The following INPP4A variants were observed in gnomAD, a reference collection of about 807,000 sequenced individuals.
The protein encoded by INPP4A is inositol polyphosphate-4-phosphatase, type I, 107kD.
In INPP4A, 33 loss-of-function variants were observed where a neutral mutation model predicts 119.8. That is an observed-to-expected ratio of 0.28 (90% confidence interval 0.21 to 0.37). The LOEUF (loss-of-function observed/expected upper bound fraction) is 0.37. Among genes scored for constraint, INPP4A ranks in the 10% least tolerant of loss-of-function variants. The probability of loss-of-function intolerance (pLI) is 1.00; values close to 1 mark genes in which losing one functional copy is unlikely to be tolerated. For synonymous variants in INPP4A, 496 were observed against 500.7 expected, an observed-to-expected ratio of 0.99 and a Z score of 0.12; for missense variants, 956 against 1,289.9, an observed-to-expected ratio of 0.74 and a Z score of 3.97.
rs1307359886 is a variant in INPP4A at position 98,592,374 on chromosome 2, A to C, written c.*4766A>C. 6.6e-6 allele frequency: 1 copy of C among 152,240 alleles called. No homozygotes were observed. The highest frequency in any genetic ancestry group is 1.5e-5 in the Non-Finnish European group (1 of 68,096). 9.4% of individuals were successfully genotyped at this position (152,240 alleles called of 1,614,324 possible). A position where few individuals can be genotyped will look rare whatever the true frequency, so the allele number is the denominator to read the frequency against. ...AGATTGGAGAGGAGTGGGCAGCAGGAAACAGCTCAGGCTGCCTGACCTGGC... is the reference window on the plus strand; with the variant it reads ...AGATTGGAGAGGAGTGGGCAGCAGGCAACAGCTCAGGCTGCCTGACCTGGC... On this transcript the variant is annotated 3_prime_UTR_variant, in exon 25 of 25. Transcript: ENST00000409851.
At chr2:98,520,656 A>G (rs1446243476) in intron 3 of INPP4A, 31 bp from the exon 4 acceptor site, 3 of 1,396,096 alleles carry the variant, frequency 2.1e-6, no homozygotes, top group East Asian at 2.5e-5. Context: ...TTTATTAAGG[A>G]TGATTTTTCT....
At chr2:98,523,455 C>T (rs1450359738) in intron 4 of INPP4A, among the ~76,000 whole-genome samples, 1 of 150,352 alleles carries the variant, frequency 6.7e-6, no homozygotes, top group Non-Finnish European at 1.5e-5. Context: ...AGTGCAGTGG[C>T]ACAATCTCGG....
chr2:98,589,631 A>C lies in INPP4A; in HGVS notation c.*2023A>C. 1 of 179,148 alleles carries C rather than the reference A, an allele frequency of 5.6e-6. No individual in the cohort carries two copies. The highest frequency in any genetic ancestry group is 1.2e-5 in the Non-Finnish European group (1 of 83,486). 11.1% of individuals were successfully genotyped at this position (179,148 alleles called of 1,614,324 possible). On this transcript the variant is annotated 3_prime_UTR_variant, in exon 25 of 25. Coordinates refer to ENST00000409851, the MANE Select transcript of INPP4A (RefSeq NM_001134225.2). Reference sequence around the variant, plus strand: ...TTGGCAAATGCTATAGAAAAGGTTCAGGTTTCAGTATTCTCTCTGAAGGCA... The same window carrying C: ...TTGGCAAATGCTATAGAAAAGGTTCCGGTTTCAGTATTCTCTCTGAAGGCA...
chr2:98,506,288 C>T (rs557673410), intron 1 of INPP4A, among the ~76,000 whole-genome samples: 1 of 152,342 alleles, frequency 6.6e-6, no homozygotes, highest in Non-Finnish European at 1.5e-5. Flanking sequence ...TTCTGCATAT[C>T]GGAAAGAGCA....
rs1209064383 is a variant in INPP4A, at chr2:98,587,709, T to A, written c.*101T>A. 10 of 1,024,762 alleles carry A rather than the reference T, an allele frequency of 9.8e-6. No homozygotes were observed. Among genetic ancestry groups the A allele is most frequent in the Non-Finnish European group, 1.3e-5 (9 of 717,186 alleles). 63.5% of individuals were successfully genotyped at this position (1,024,762 alleles called of 1,614,324 possible). A position where few individuals can be genotyped will look rare whatever the true frequency, so the allele number is the denominator to read the frequency against. On this transcript the variant is annotated 3_prime_UTR_variant, in exon 25 of 25. Transcript: ENST00000409851. ...AAGACCTGAAGGATTGGTTTTTATT[T>A]TTTGTGGTTTTTTTAAAAAAAACAT...
Position 98,559,796 on chromosome 2 carries a change from C to T in INPP4A, c.1855+301C>T, listed in dbSNP as rs79023556. Among the ~76,000 whole-genome samples the T allele has an allele frequency of 6.7e-4, 102 of 152,322 alleles. 2 individuals carry two copies. The East Asian group carries it at 0.01, about 16-fold the overall frequency. Reference sequence around the variant, plus strand: ...GGTTGACCTGAGGTAGGGAGGTACACATCTGGACTTCCTGGGTGCAGTTTT... The same window carrying T: ...GGTTGACCTGAGGTAGGGAGGTACATATCTGGACTTCCTGGGTGCAGTTTT... On this transcript the variant is annotated intron_variant, in intron 17 of 24. Coordinates refer to ENST00000409851, the MANE Select transcript of INPP4A (RefSeq NM_001134225.2).
At chr2:98,500,240 C>T (rs1324527109) in intron 1 of INPP4A, among the ~76,000 whole-genome samples, 1 of 152,092 alleles carries the variant, frequency 6.6e-6, no homozygotes, top group Non-Finnish European at 1.5e-5. Flanking sequence ...ATATTATCCC[C>T]ACTTTATGAC....
chr2:98,483,889 T>A (rs1679007838), intron 1 of INPP4A, among the ~76,000 whole-genome samples: 1 of 152,204 alleles, frequency 6.6e-6, no homozygotes, highest in Non-Finnish European at 1.5e-5. Context: ...CTCTCCACCC[T>A]CTTGCCTGAG....
rs1415612014 is a variant in INPP4A, at chr2:98,555,678, C to T, written c.1692C>T (p.Cys564=). Residue 564 remains cysteine (C), a synonymous_variant, in exon 16 of 25, where the codon TGC becomes TGT. Transcript: ENST00000409851. ...ATGTCTTCCCCTGTGCAGGCAGCTG[C>T]ACCAGCAAGAAAGGTAACCCGGACA... ...CEDVFPCAGS[C]TSKKGNPDSH... 6.2e-7 allele frequency: 1 copy of T among 1,613,964 alleles called. No homozygotes were observed. Among genetic ancestry groups the T allele is most frequent in the Non-Finnish European group, 8.5e-7 (1 of 1,179,864 alleles).
At position 98,513,323 on chromosome 2, in the gene INPP4A, A is replaced by G. The variant is rs563285357; in HGVS notation, c.-165-5641A>G. On this transcript the variant is annotated intron_variant, in intron 1 of 24. Transcript: ENST00000409851. ...CGGCCCCCTCAAGTTGGCCATATTT[A>G]AGGAAGAATGAGTTTTGGTGTGTTC... Among the ~76,000 whole-genome samples the G allele has an allele frequency of 2.0e-5, 3 of 152,216 alleles. No homozygotes were observed. The East Asian group carries it at 5.8e-4, about 29-fold the overall frequency.
chr2:98,452,770 A>G (rs1695454446), intron 1 of INPP4A, among the ~76,000 whole-genome samples: 1 of 152,190 alleles, frequency 6.6e-6, no homozygotes, highest in Non-Finnish European at 1.5e-5. Flanking sequence ...AAGCAACCTC[A>G]GTAACACTCC....
rs1575035083 is a variant in INPP4A at position 98,549,300 on chromosome 2, G to A, written c.1163+2606G>A. On this transcript the variant is annotated intron_variant, in intron 13 of 24. Coordinates refer to ENST00000409851, the MANE Select transcript of INPP4A (RefSeq NM_001134225.2). The stretch of plus-strand genomic sequence containing the variant: ...GCTGGGTTCTCATGTCAGCCCCTGG[G>A]TGCAGCTGGGAACTCCTGTCTTCTT... Among the ~76,000 whole-genome samples the A allele has an allele frequency of 2.0e-5, 3 of 152,256 alleles. No individual in the cohort carries two copies. The East Asian group carries it at 5.8e-4, about 29-fold the overall frequency.
At chr2:98,538,763 G>A (rs1163010302) in intron 8 of INPP4A, 128 bp from the exon 9 acceptor site, 4 of 602,100 alleles carry the variant, frequency 6.6e-6, no homozygotes, top group Non-Finnish European at 1.2e-5. Flanking sequence ...CATATTTATT[G>A]TAGAGTTCAT....
intron 24 of INPP4A, among the ~76,000 whole-genome samples, chr2:98,584,446 G>A (rs1002856864): frequency 1.3e-5 from 2 of 152,232 alleles, no homozygotes; most frequent in African/African-American, 4.8e-5. Context: ...CCCTCTCCCA[G>A]GGCTCAAGGA....
In INPP4A at chr2:98,563,563, A is replaced by G. The variant is rs774985949; in HGVS notation, c.1954A>G (p.Met652Val). ...KAKKAMVFLL[M>V]QDSAPTIATY... is the part of the protein sequence containing the mutation. Reference sequence around the variant, plus strand: ...CAAGAAGGCCATGGTATTCCTGCTCATGCAGGACAGCGCGCCCACCATAGC... The same window carrying G: ...CAAGAAGGCCATGGTATTCCTGCTCGTGCAGGACAGCGCGCCCACCATAGC... The change falls in exon 18 of 25, where the codon ATG becomes GTG. Residue 652 changes from methionine to valine, a missense_variant. Physicochemically the swap from Met to Val is conservative, Grantham distance 21. Coordinates refer to ENST00000409851, the MANE Select transcript of INPP4A (RefSeq NM_001134225.2). 6.2e-7 allele frequency: 1 copy of G among 1,613,840 alleles called. No homozygotes were observed. Among genetic ancestry groups the G allele is most frequent in the Non-Finnish European group, 8.5e-7 (1 of 1,179,856 alleles).
intron 1 of INPP4A, among the ~76,000 whole-genome samples, chr2:98,486,563 C>T (rs1266378752): frequency 6.6e-6 from 1 of 152,216 alleles, no homozygotes; most frequent in Non-Finnish European, 1.5e-5. Context: ...CCTCAGTTGC[C>T]CACAGGGCCT....
intron 13 of INPP4A, 122 bp from the exon 14 acceptor site, chr2:98,552,663 AG>A (rs1693744980): frequency 1.2e-6 from 1 of 826,254 alleles, no homozygotes; most frequent in Non-Finnish European, 2.1e-6. Context: ...GAGTAGCTTG[AG>A]AGAACATCCC....
At chr2:98,475,145 G>GGGCA (rs1676939315) in intron 1 of INPP4A, among the ~76,000 whole-genome samples, 2 of 152,076 alleles carry the variant, frequency 1.3e-5, no homozygotes, top group African/African-American at 2.4e-5. Flanking sequence ...AGAACAGGAG[G>GGGCA]GGCACTCTTA....
At chr2:98,509,859 T>A (rs1377044178) in intron 1 of INPP4A, among the ~76,000 whole-genome samples, 1 of 152,218 alleles carries the variant, frequency 6.6e-6, no homozygotes, top group Admixed American at 6.5e-5. Context: ...CACAAGGAGC[T>A]GAGCTGCAGT....
Sources: allele counts gnomAD v4.1 joint callset (sites outside exome capture counted in the v4.1 genomes callset), GRCh38; gene constraint gnomAD v4.1.1; transcripts MANE v1.5; gene names NCBI Gene and HGNC (gene_info 2026-07-23, HGNC 2026-07-21).